Variants in CNTN5 observed in about 807,000 individuals in gnomAD.
CNTN5 encodes the protein contactin-5.
Under a neutral mutation model 129.1 loss-of-function variants are expected in CNTN5, and 77 were observed. The observed-to-expected ratio is 0.60, with a 90% CI of 0.50 to 0.72. The LOEUF (loss-of-function observed/expected upper bound fraction) is 0.72. Among genes scored for constraint, CNTN5 ranks in the 30% least tolerant of loss-of-function variants. The pLI is 0.00. For missense variants in CNTN5, 1,478 were observed against 1,328.8 expected, an observed-to-expected ratio of 1.11 and a Z score of -1.75; for synonymous variants, 509 against 465.6, an observed-to-expected ratio of 1.09 and a Z score of -1.20.
At chr11:99,362,253 C>T (rs1255995430) in intron 2 of CNTN5, among the ~76,000 whole-genome samples, 1 of 152,060 alleles carries the variant, frequency 6.6e-6, no homozygotes, top group Non-Finnish European at 1.5e-5. Flanking sequence ...AGCAGCTTTT[C>T]ATATGCTGCT....
intron 17 of CNTN5, among the ~76,000 whole-genome samples, chr11:100,259,965 T>C (rs1200904007): frequency 1.4e-5 from 2 of 146,818 alleles, no homozygotes; most frequent in East Asian, 2.0e-4. Flanking sequence ...ATGAAGGAGA[T>C]AGAGAAACAA....
At chr11:99,576,096 AC>A (rs1385150126) in intron 3 of CNTN5, among the ~76,000 whole-genome samples, 1 of 152,172 alleles carries the variant, frequency 6.6e-6, no homozygotes, top group East Asian at 1.9e-4. Context: ...AAAGATCAAA[AC>A]AAAAATAGAA....
intron 3 of CNTN5, among the ~76,000 whole-genome samples, chr11:99,770,132 T>C (rs1944895225): frequency 6.6e-6 from 1 of 152,172 alleles, no homozygotes; most frequent in South Asian, 2.1e-4. Flanking sequence ...TTGAATTTGT[T>C]CTTTATTTTC....
intron 18 of CNTN5, among the ~76,000 whole-genome samples, chr11:100,290,464 C>T (rs1365343940): frequency 3.4e-5 from 5 of 146,568 alleles, no homozygotes; most frequent in Non-Finnish European, 6.0e-5. Context: ...ATATCTACAA[C>T]TATCTGATCT....
Position 100,193,693 on chromosome 11 carries a change from A to G in CNTN5, c.1884+30A>G, listed in dbSNP as rs552817165. The stretch of plus-strand genomic sequence containing the variant: ...GTGAATACACTTTTATTCTTTTAGT[A>G]ATGATAACTTTAGAAATTTTGAATC... On this transcript the variant is annotated intron_variant, in intron 15 of 24. Coordinates refer to ENST00000524871, the MANE Select transcript of CNTN5 (RefSeq NM_014361.4). 17 of 1,583,590 alleles carry G rather than the reference A, an allele frequency of 1.1e-5. No homozygotes were observed. In the Admixed American group the frequency reaches 1.3e-4, roughly 12 times the overall value.
chr11:100,204,297 A>ATATATATATATAT (rs1555039166), intron 15 of CNTN5, among the ~76,000 whole-genome samples: 11 of 17,658 alleles, frequency 6.2e-4, no homozygotes, highest in Non-Finnish European at 1.4e-3. Flanking sequence ...AACATTGACT[A>ATATATATATATAT]ATATATATAT....
intron 1 of CNTN5, among the ~76,000 whole-genome samples, chr11:99,031,412 GATATA>G (rs1488922103): frequency 6.6e-6 from 1 of 151,956 alleles, no homozygotes; most frequent in African/African-American, 2.4e-5. Flanking sequence ...TGTTGCAGAA[GATATA>G]ATATAGTAGA....
chr11:99,309,349 C>T (rs1010098553), intron 1 of CNTN5, among the ~76,000 whole-genome samples: 1 of 151,972 alleles, frequency 6.6e-6, no homozygotes, highest in Non-Finnish European at 1.5e-5. Context: ...GCTGAAGAGT[C>T]CCACTGTTAG....
intron 10 of CNTN5, among the ~76,000 whole-genome samples, chr11:100,062,113 G>A (rs1943507435): frequency 6.6e-6 from 1 of 152,034 alleles, no homozygotes; most frequent in African/African-American, 2.4e-5. Context: ...TTTCATATTT[G>A]ATTTACAGTA....
chr11:100,161,111 A>G (rs1376771078), intron 13 of CNTN5, among the ~76,000 whole-genome samples: 2 of 152,098 alleles, frequency 1.3e-5, no homozygotes, highest in African/African-American at 2.4e-5. Context: ...AAAAATTATC[A>G]TTAGGTATCC....
chr11:100,250,069 T>C (rs1949933311), intron 16 of CNTN5, among the ~76,000 whole-genome samples: 1 of 152,052 alleles, frequency 6.6e-6, no homozygotes, highest in African/African-American at 2.4e-5. Flanking sequence ...TTACCATCAT[T>C]TAGAAAAGTT....
chr11:100,229,182 G>A (rs1949440794), intron 16 of CNTN5, among the ~76,000 whole-genome samples: 1 of 147,454 alleles, frequency 6.8e-6, no homozygotes, highest in Non-Finnish European at 1.5e-5. Context: ...TACATCAGCA[G>A]TTTATTAGCT....
At chr11:99,877,474 A>G (rs1948663352) in intron 6 of CNTN5, among the ~76,000 whole-genome samples, 1 of 152,200 alleles carries the variant, frequency 6.6e-6, no homozygotes, top group African/African-American at 2.4e-5. Flanking sequence ...TTGGCTCCTA[A>G]GTGACAGAGA....
chr11:99,638,457 C>T (rs1311952716), intron 3 of CNTN5, among the ~76,000 whole-genome samples: 3 of 152,092 alleles, frequency 2.0e-5, no homozygotes, highest in African/African-American at 4.8e-5. Context: ...CCCAAACTCT[C>T]GACTCATTTG....
At chr11:99,131,259 A>AAAAAAAAG (rs1315927207) in intron 1 of CNTN5, among the ~76,000 whole-genome samples, 9 of 148,632 alleles carry the variant, frequency 6.1e-5, no homozygotes, top group South Asian at 4.2e-4. Context: ...GAAAAAAAAA[A>AAAAAAAAG]AAAAAGAAAA....
chr11:99,888,967 T>C (rs1185873695), intron 6 of CNTN5, among the ~76,000 whole-genome samples: 1 of 136,360 alleles, frequency 7.3e-6, no homozygotes, highest in Non-Finnish European at 1.5e-5. Flanking sequence ...ATGCTTAACA[T>C]TGTCATTAGC....
At chr11:99,840,618 A>G (rs1488026447) in intron 4 of CNTN5, among the ~76,000 whole-genome samples, 1 of 152,162 alleles carries the variant, frequency 6.6e-6, no homozygotes. Flanking sequence ...CAGTTTGTTA[A>G]TAAGAGATCT....
At chr11:100,355,823 A>AT (rs979705751) in intron 24 of CNTN5, among the ~76,000 whole-genome samples, 1 of 151,634 alleles carries the variant, frequency 6.6e-6, no homozygotes, top group African/African-American at 2.4e-5. Flanking sequence ...AAATTATTTT[A>AT]TTTTTTATAT....
chr11:99,564,370 G>T (rs1413059401), intron 3 of CNTN5, among the ~76,000 whole-genome samples: 1 of 152,106 alleles, frequency 6.6e-6, no homozygotes, highest in East Asian at 1.9e-4. Flanking sequence ...TTACAGGCAT[G>T]AGCCACCACA....
Sources: gnomAD v4.1 joint callset for allele counts (sites outside exome capture counted in the v4.1 genomes callset) on GRCh38, gnomAD v4.1.1 for gene constraint, MANE v1.5 for transcripts, NCBI Gene and HGNC (gene_info 2026-07-23, HGNC 2026-07-21) for gene names.